Variants in ZNF484 observed in about 807,000 individuals in gnomAD.
The protein encoded by ZNF484 is KRAB box containing C2H2 type zinc finger bA526D8.4.
A neutral mutation model predicts 12.9 loss-of-function variants in ZNF484; 11 were observed. The observed-to-expected ratio is 0.85, with a 90% CI of 0.54 to 1.41. The LOEUF is 1.41. Among genes scored for constraint, ZNF484 ranks in the 40% most tolerant of loss-of-function variants. The pLI, the probability that ZNF484 is intolerant of heterozygous loss-of-function variation, is 0.00. For synonymous variants in ZNF484, 289 were observed against 334.1 expected, an observed-to-expected ratio of 0.86 and a Z score of 1.47; for missense variants, 807 against 1,007.7, an observed-to-expected ratio of 0.80 and a Z score of 2.70.
At chr9:92,858,589 T>C (rs1856600924) in intron 2 of ZNF484, among the ~76,000 whole-genome samples, 2 of 152,080 alleles carry the variant, frequency 1.3e-5, no homozygotes, top group Admixed American at 6.6e-5. Context: ...TTAAAATGTA[T>C]GCAAAATTTA....
At chr9:92,856,014 A>C in intron 3 of ZNF484, 111 bp from the exon 4 acceptor site, 17 of 1,411,070 alleles carry the variant, frequency 1.2e-5, no homozygotes, top group Non-Finnish European at 1.2e-5. Flanking sequence ...CACTACCCGA[A>C]AGAGATTATT....
chr9:92,861,722 A>G (rs996610630), intron 2 of ZNF484, among the ~76,000 whole-genome samples: 31 of 152,220 alleles, frequency 2.0e-4, no homozygotes, highest in African/African-American at 7.2e-4. Context: ...CAATCATTTC[A>G]GCAGTCCTAG....
Position 92,847,879 on chromosome 9 carries a change from C to G in ZNF484, c.908G>C (p.Gly303Ala), listed in dbSNP as rs779616764. The G allele has an allele frequency of 1.2e-6, 2 of 1,614,064 alleles. No individual in the cohort carries two copies. The highest frequency in any genetic ancestry group is 1.3e-5 in the African/African-American group (1 of 74,924). The change falls in exon 5 of 5, where the codon GGA becomes GCA. Residue 303 changes from glycine (G) to alanine (A), a missense_variant. Coordinates refer to ENST00000375495, the MANE Select transcript of ZNF484 (RefSeq NM_031486.4). ...QLDGSQRVYA[G>A]ICTEYEKDFS... ...ATCCTTCTCATATTCAGTGCATATT[C>G]CTGCATAAACCCTCTGACTGCCATC...
rs572121815 is a variant in ZNF484 at position 92,859,126 on chromosome 9, AAAAAT to A, written c.16-2813_16-2809del. The stretch of plus-strand genomic sequence containing the variant: ...GGGCAACAGAGCAAGACTCCATCTC[AAAAAT>A]AAAATAAAATAAAATAAAAACTAAT... On this transcript the variant is annotated intron_variant, in intron 2 of 4. Transcript: ENST00000375495. 1.5e-3 allele frequency among the ~76,000 whole-genome samples: 222 copies of A among 152,258 alleles called. 1 individual carries two copies. The highest frequency in any genetic ancestry group is 5.0e-3 in the African/African-American group (206 of 41,552).
intron 2 of ZNF484, among the ~76,000 whole-genome samples, chr9:92,858,131 A>G (rs1856571942): frequency 6.6e-6 from 1 of 152,248 alleles, no homozygotes; most frequent in African/African-American, 2.4e-5. Context: ...AAAAAATTCA[A>G]TAGAAACAGT....
chr9:92,855,723 TCAAAGTTGGG>T, intron 4 of ZNF484, 78 bp downstream of exon 4: 1 of 1,232,854 alleles, frequency 8.1e-7, no homozygotes, highest in Non-Finnish European at 1.2e-6. Flanking sequence ...TAATGACACA[TCAAAGTTGGG>T]CAAAGTTGGG....
At chr9:92,851,447 T>C (rs1203050179) in intron 4 of ZNF484, among the ~76,000 whole-genome samples, 1 of 152,270 alleles carries the variant, frequency 6.6e-6, no homozygotes, top group Non-Finnish European at 1.5e-5. Context: ...CATACATTGA[T>C]GTATTGTCTA....
chr9:92,864,487 GA>G (rs1480271228), intron 2 of ZNF484, among the ~76,000 whole-genome samples: 1 of 152,154 alleles, frequency 6.6e-6, no homozygotes, highest in Non-Finnish European at 1.5e-5. Context: ...ATCAGGCCCT[GA>G]ATGAATACTT....
chr9:92,862,248 C>A, intron 2 of ZNF484: 2 of 516,154 alleles, frequency 3.9e-6, no homozygotes, highest in Non-Finnish European at 5.0e-6. Flanking sequence ...AATTACCTGC[C>A]ATATATTTAC....
At chr9:92,851,717 T>TA (rs1211400555) in intron 4 of ZNF484, among the ~76,000 whole-genome samples, 2 of 152,226 alleles carry the variant, frequency 1.3e-5, no homozygotes, top group Non-Finnish European at 2.9e-5. Context: ...AACCCAAACA[T>TA]ACAGTCTTTT....
intron 1 of ZNF484, among the ~76,000 whole-genome samples, chr9:92,875,410 T>C (rs1209072460): frequency 6.6e-6 from 1 of 152,210 alleles, no homozygotes; most frequent in Non-Finnish European, 1.5e-5. Context: ...AACTCCTCAC[T>C]ACCACTCTTC....
In ZNF484 at chr9:92,874,986, A is replaced by G. The variant is rs958726900; in HGVS notation, c.15+29T>C. 7 of 1,612,236 alleles carry G rather than the reference A, an allele frequency of 4.3e-6. No individual in the cohort carries two copies. In the East Asian group the frequency reaches 6.7e-5, roughly 15 times the overall value. On this transcript the variant is annotated intron_variant, in intron 2 of 4. Transcript: ENST00000375495. ...CCACTAAAAGTAAAAGAAAGCAACAAATAAACAGATGAACAAATAAGAACT... is the reference window on the plus strand; with the variant it reads ...CCACTAAAAGTAAAAGAAAGCAACAGATAAACAGATGAACAAATAAGAACT...
Position 92,848,986 on chromosome 9 carries a change from G to C in ZNF484, c.236-435C>G, listed in dbSNP as rs1412291834. Among the ~76,000 whole-genome samples the C allele has an allele frequency of 2.0e-5, 3 of 151,954 alleles. No individual in the cohort carries two copies. The highest frequency in any genetic ancestry group is 7.2e-5 in the African/African-American group (3 of 41,474). ...ACAATAGACCTTTGATTCAGGCCGG[G>C]TGTGGTGGCTCACGCCTGTAAGCCC... On this transcript the variant is annotated intron_variant, in intron 4 of 4. Transcript: ENST00000375495. This position sits in a 1 kb window ranked among gnomAD's most constrained non-coding sequence, Gnocchi z 4.1.
Position 92,846,150 on chromosome 9 carries a change from G to A in ZNF484, c.*78C>T. On this transcript the variant is annotated 3_prime_UTR_variant, in exon 5 of 5. Coordinates refer to ENST00000375495, the MANE Select transcript of ZNF484 (RefSeq NM_031486.4). ...TAACCAAAGATGGCCACTATACATT[G>A]CTTAAACACTCTCAAAAGTGTCTCC... 1.4e-6 allele frequency: 2 copies of A among 1,468,834 alleles called. No homozygotes were observed. Among genetic ancestry groups the A allele is most frequent in the Non-Finnish European group, 1.8e-6 (2 of 1,085,648 alleles). 91.0% of individuals were successfully genotyped at this position (1,468,834 alleles called of 1,614,324 possible).
In ZNF484 at chr9:92,846,517, A is replaced by G; in HGVS notation, c.2270T>C (p.Phe757Ser). The G allele has an allele frequency of 2.5e-6, 4 of 1,613,948 alleles. No individual in the cohort carries two copies. The highest frequency in any genetic ancestry group is 3.4e-6 in the Non-Finnish European group (4 of 1,179,974). Reference protein sequence around the residue: ...PYECSDCGKSFIKKSQLHEHH... With the variant: ...PYECSDCGKSSIKKSQLHEHH... ...CTCATGGAGTTGTGATTTCTTAATGAAAGACTTGCCACAGTCACTGCATTC... is the reference window on the plus strand; with the variant it reads ...CTCATGGAGTTGTGATTTCTTAATGGAAGACTTGCCACAGTCACTGCATTC... The change falls in exon 5 of 5, where the codon TTC becomes TCC. Residue 757 changes from phenylalanine (F) to serine (S), a missense_variant. Physicochemically the swap from Phe to Ser is radical, Grantham distance 155. Coordinates refer to ENST00000375495, the MANE Select transcript of ZNF484 (RefSeq NM_031486.4).
At position 92,847,100 on chromosome 9, in the gene ZNF484, G is replaced by GA; in HGVS notation, c.1686dup (p.Gln563SerfsTer13). ...TGGTGCATACTTAATGTTGACTTCT[G>GA]AATGAATGCTTTCCCACATTCACTG... On this transcript the variant is annotated frameshift_variant, in exon 5 of 5. Coordinates refer to ENST00000375495, the MANE Select transcript of ZNF484 (RefSeq NM_031486.4). LOFTEE classifies it low-confidence loss of function (END_TRUNC). 6.2e-7 allele frequency: 1 copy of GA among 1,612,710 alleles called. No individual in the cohort carries two copies. The highest frequency in any genetic ancestry group is 8.5e-7 in the Non-Finnish European group (1 of 1,179,580).
chr9:92,856,491 G>A (rs949105144), intron 2 of ZNF484, among the ~76,000 whole-genome samples, 173 bp from the exon 3 acceptor site: 4 of 151,952 alleles, frequency 2.6e-5, no homozygotes, highest in East Asian at 1.9e-4. Context: ...CAACGACAAC[G>A]AACAAAATAA....
chr9:92,846,246 G>C lies in ZNF484; in HGVS notation c.2541C>G (p.Gly847=), dbSNP rs139399797. ...LWCGDSEGDQ[G]QLSSI is the part of the protein sequence containing the mutation. The stretch of plus-strand genomic sequence containing the variant: ...ATTCTAACTAGATAGAAGAAAGTTG[G>C]CCTTGGTCACCTTCTGAGTCCCCAC... Residue 847 remains glycine, a synonymous_variant, in exon 5 of 5, where the codon GGC becomes GGG. Coordinates refer to ENST00000375495, the MANE Select transcript of ZNF484 (RefSeq NM_031486.4). 16,615 of 1,613,048 alleles carry C rather than the reference G, an allele frequency of 0.01. 107 individuals are homozygous for C. The highest frequency in any genetic ancestry group is 0.013 in the Non-Finnish European group (14,849 of 1,179,564).
In ZNF484 at chr9:92,847,024, G is replaced by C. The variant is rs1266481435; in HGVS notation, c.1763C>G (p.Ala588Gly). The C allele has an allele frequency of 1.2e-6, 2 of 1,613,916 alleles. No homozygotes were observed. The highest frequency in any genetic ancestry group is 1.1e-5 in the South Asian group (1 of 91,078). The change falls in exon 5 of 5, where the codon GCC (alanine) becomes GGC (glycine). Residue 588 changes from alanine to glycine, a missense_variant. Physicochemically the swap from Ala to Gly is moderately conservative, Grantham distance 60 (BLOSUM62 0). Transcript: ENST00000375495. ...KPYVCTECGK[A>G]FFHKSHFITH... is the part of the protein sequence containing the mutation. Reference sequence around the variant, plus strand: ...AATAAAATGGGATTTGTGGAAGAAGGCCTTACCACATTCAGTGCAAACATA... The same window carrying C: ...AATAAAATGGGATTTGTGGAAGAAGCCCTTACCACATTCAGTGCAAACATA...
Sources: allele counts gnomAD v4.1 joint callset (sites outside exome capture counted in the v4.1 genomes callset), GRCh38; gene constraint gnomAD v4.1.1; non-coding constraint Gnocchi (gnomAD v3.1); transcripts MANE v1.5; gene names NCBI Gene and HGNC (gene_info 2026-07-23, HGNC 2026-07-21).